The following TAFA2 variants were observed in gnomAD, a reference collection of about 807,000 sequenced individuals.
TAFA2 encodes the protein TAFA chemokine like family member 2.
TAFA2 carries 7 observed loss-of-function variants against 18.8 expected under a neutral mutation model. The observed-to-expected ratio is 0.37, with a 90% CI of 0.21 to 0.70. The LOEUF is 0.70. Ranked by LOEUF, TAFA2 falls within the 30% of genes least tolerant of loss-of-function variation. The pLI, the probability that TAFA2 is intolerant of heterozygous loss-of-function variation, is 0.53. For synonymous variants in TAFA2, 60 were observed against 54.2 expected (o/e 1.11, Z -0.47); for missense variants, 122 against 158.1 (o/e 0.77, Z 1.23).
intron 1 of TAFA2, among the ~76,000 whole-genome samples, chr12:62,006,586 A>G (rs1042408769): frequency 3.9e-5 from 6 of 152,192 alleles, no homozygotes; most frequent in Non-Finnish European, 7.4e-5. Flanking sequence ...ACTAAAGTCT[A>G]AGAGAGGCTA....
At chr12:61,983,569 A>T (rs766825565) in intron 1 of TAFA2, among the ~76,000 whole-genome samples, 1 of 151,894 alleles carries the variant, frequency 6.6e-6, no homozygotes, top group South Asian at 2.1e-4. Context: ...CACCACGCCC[A>T]GATAGTTTTT....
chr12:61,903,167 G>A (rs970628830), intron 1 of TAFA2, among the ~76,000 whole-genome samples: 1 of 152,068 alleles, frequency 6.6e-6, no homozygotes, highest in Non-Finnish European at 1.5e-5. Flanking sequence ...AAATTACAGT[G>A]TAGTACCAAT....
chr12:61,710,326 G>T lies in TAFA2; in HGVS notation c.*80C>A, dbSNP rs954639596. 3 of 1,340,284 alleles carry T rather than the reference G, an allele frequency of 2.2e-6. No individual in the cohort carries two copies. Among genetic ancestry groups the T allele is most frequent in the Non-Finnish European group, 3.2e-6 (3 of 934,434 alleles). The allele number at this position is 1,340,284 out of a possible 1,614,324, so 83.0% of individuals were successfully genotyped here. ...TTTCAAGTGGTATAAAAATCTTCAA[G>T]ATCACCTCAGGAGTTGAGTTAAGTT... On this transcript the variant is annotated 3_prime_UTR_variant, in exon 5 of 5. Coordinates refer to ENST00000416284, the MANE Select transcript of TAFA2 (RefSeq NM_178539.5).
chr12:61,759,633 C>T (rs958398907), intron 2 of TAFA2, among the ~76,000 whole-genome samples: 1 of 151,980 alleles, frequency 6.6e-6, no homozygotes, highest in Non-Finnish European at 1.5e-5. Context: ...CCTACTATAA[C>T]TACAAGGTAA....
intron 1 of TAFA2, among the ~76,000 whole-genome samples, chr12:62,187,259 A>G (rs1448840759): frequency 6.6e-6 from 1 of 152,168 alleles, no homozygotes; most frequent in Non-Finnish European, 1.5e-5. Context: ...AGTAAATAAA[A>G]GTATCTCCAA....
intron 1 of TAFA2, among the ~76,000 whole-genome samples, chr12:62,087,637 T>G (rs899280804): frequency 6.6e-6 from 1 of 152,086 alleles, no homozygotes; most frequent in Admixed American, 6.6e-5. Flanking sequence ...CTACAAGGGA[T>G]AGGTAAGATG....
intron 1 of TAFA2, among the ~76,000 whole-genome samples, chr12:62,009,929 T>A (rs1174546762): frequency 6.6e-6 from 1 of 152,112 alleles, no homozygotes; most frequent in African/African-American, 2.4e-5. Context: ...GTTTAAATAA[T>A]TCAACATTCT....
chr12:62,105,074 T>A (rs951342709), intron 1 of TAFA2: 3 of 187,134 alleles, frequency 1.6e-5, no homozygotes, highest in Non-Finnish European at 3.4e-5. Context: ...TGTTTTGTTT[T>A]CTACAGAGAG....
At chr12:61,791,420 A>G (rs1870974340) in intron 2 of TAFA2, among the ~76,000 whole-genome samples, 1 of 151,910 alleles carries the variant, frequency 6.6e-6, no homozygotes, top group South Asian at 2.1e-4. Context: ...GGAAACAATC[A>G]GCAGAGTGAA....
At chr12:62,239,943 T>C (rs2136989023) in intron 1 of TAFA2, among the ~76,000 whole-genome samples, 1 of 152,266 alleles carries the variant, frequency 6.6e-6, no homozygotes, top group East Asian at 1.9e-4. Context: ...AAAAGATAAC[T>C]AGAATAGTCA....
intron 1 of TAFA2, among the ~76,000 whole-genome samples, chr12:62,176,548 C>G (rs377118184): frequency 1.7e-4 from 26 of 151,834 alleles, no homozygotes; most frequent in African/African-American, 5.8e-4. Context: ...AGAGTTAGAG[C>G]TTTTTTTTCA....
intron 2 of TAFA2, among the ~76,000 whole-genome samples, chr12:61,758,701 G>A (rs1869391562): frequency 6.6e-6 from 1 of 152,056 alleles, no homozygotes; most frequent in Non-Finnish European, 1.5e-5. Flanking sequence ...GTTAGCTGAT[G>A]CACACTGTGA....
At position 61,866,513 on chromosome 12, in the gene TAFA2, G is replaced by A. The variant is rs188079483; in HGVS notation, c.106+807C>T. Among the ~76,000 whole-genome samples the A allele has an allele frequency of 2.0e-5, 3 of 152,202 alleles. No individual in the cohort carries two copies. In the East Asian group the frequency reaches 5.8e-4, roughly 29 times the overall value. The stretch of plus-strand genomic sequence containing the variant: ...CAGAAAAATCTAAATTGATTTCTCA[G>A]GTTATGAATACTTAATTATAATAGG... On this transcript the variant is annotated intron_variant, in intron 2 of 4. Coordinates refer to ENST00000416284, the MANE Select transcript of TAFA2 (RefSeq NM_178539.5).
chr12:61,821,751 T>A (rs1392268703), intron 2 of TAFA2, among the ~76,000 whole-genome samples: 1 of 152,118 alleles, frequency 6.6e-6, no homozygotes, highest in Non-Finnish European at 1.5e-5. Context: ...CAGAAAAATG[T>A]TTTTAAAAAA....
Position 61,709,091 on chromosome 12 carries a change from C to T in TAFA2, c.*1315G>A, listed in dbSNP as rs563133603. The T allele has an allele frequency of 2.0e-5, 3 of 152,464 alleles. No individual in the cohort carries two copies. The highest frequency in any genetic ancestry group is 6.6e-5 in the Admixed American group (1 of 15,226). 9.4% of individuals were successfully genotyped at this position (152,464 alleles called of 1,614,324 possible). A position where few individuals can be genotyped will look rare whatever the true frequency, so the allele number is the denominator to read the frequency against. On this transcript the variant is annotated 3_prime_UTR_variant, in exon 5 of 5. Transcript: ENST00000416284. ...AATATTGTTACAGAATGGCTATGCA[C>T]TTTTCTTTCTTCTCTCCCTTCATAT...
Position 62,244,159 on chromosome 12 carries a change from A to C in TAFA2, c.-130+14604T>G, listed in dbSNP as rs115241827. On this transcript the variant is annotated intron_variant, in intron 1 of 5. Coordinates refer to the TAFA2 transcript ENST00000551619. The stretch of plus-strand genomic sequence containing the variant: ...AAATTAAGAAAAACAAAGAAAACTA[A>C]AAAGAAAAAAAAATCATCCATAATC... Among the ~76,000 whole-genome samples the C allele has an allele frequency of 5.4e-3, 816 of 151,858 alleles. 7 individuals are homozygous for C. The highest frequency in any genetic ancestry group is 0.019 in the African/African-American group (777 of 41,386).
At chr12:61,956,343 A>G (rs555155854) in intron 1 of TAFA2, among the ~76,000 whole-genome samples, 2 of 152,194 alleles carry the variant, frequency 1.3e-5, no homozygotes, top group East Asian at 1.9e-4. Context: ...AAAATAAAAC[A>G]TCTCATTTAC....
intron 1 of TAFA2, among the ~76,000 whole-genome samples, chr12:61,945,903 T>C (rs1461322614): frequency 6.7e-6 from 1 of 150,100 alleles, no homozygotes; most frequent in Non-Finnish European, 1.5e-5. Flanking sequence ...ACAGATTCAA[T>C]GCCATCCCCA....
Position 61,710,215 on chromosome 12 carries a change from C to A in TAFA2, c.*191G>T, listed in dbSNP as rs142342164. ...TTCAAATCTGCTGAAATCTTCATGACATGCAAGTTCATGTCTGACTTTTAA... is the reference window on the plus strand; with the variant it reads ...TTCAAATCTGCTGAAATCTTCATGAAATGCAAGTTCATGTCTGACTTTTAA... On this transcript the variant is annotated 3_prime_UTR_variant, in exon 5 of 5. Coordinates refer to ENST00000416284, the MANE Select transcript of TAFA2 (RefSeq NM_178539.5). 1.1e-3 allele frequency: 619 copies of A among 564,552 alleles called. 1 individual carries two copies. Among genetic ancestry groups the A allele is most frequent in the Non-Finnish European group, 1.5e-3 (461 of 313,760 alleles). The allele number at this position is 564,552 out of a possible 1,614,324, so 35.0% of individuals were successfully genotyped here.
Sources: allele counts gnomAD v4.1 joint callset (sites outside exome capture counted in the v4.1 genomes callset), GRCh38; gene constraint gnomAD v4.1.1; transcripts MANE v1.5; gene names NCBI Gene and HGNC (gene_info 2026-07-23, HGNC 2026-07-21).